The following CCSER1 variants were observed in gnomAD, a reference collection of about 807,000 sequenced individuals.
CCSER1 encodes the protein coiled-coil serine rich protein 1, also known as serine-rich coiled-coil domain-containing protein 1.
Under a neutral mutation model 82.0 loss-of-function variants are expected in CCSER1, and 41 were observed. The observed-to-expected ratio is 0.50, with a 90% CI of 0.39 to 0.65. The LOEUF is 0.65. CCSER1 is among the 30% of genes least tolerant of loss of function. The probability of loss-of-function intolerance (pLI) is 0.00; values close to 1 mark genes in which losing one functional copy is unlikely to be tolerated. For synonymous variants in CCSER1, 414 were observed against 383.9 expected, an observed-to-expected ratio of 1.08 and a Z score of -0.92; for missense variants, 1,119 against 1,064.2, an observed-to-expected ratio of 1.05 and a Z score of -0.72.
At chr4:91,443,347 A>G (rs1439446054) in intron 10 of CCSER1, among the ~76,000 whole-genome samples, 1 of 152,094 alleles carries the variant, frequency 6.6e-6, no homozygotes, top group Non-Finnish European at 1.5e-5. Context: ...ACTGGAAATC[A>G]TCATTCTCAG....
At chr4:91,052,447 T>A (rs1743089696) in intron 9 of CCSER1, among the ~76,000 whole-genome samples, 1 of 152,132 alleles carries the variant, frequency 6.6e-6, no homozygotes, top group East Asian at 1.9e-4. Context: ...ATTGTATTTA[T>A]TACACTTATG....
At chr4:90,964,921 A>T (rs1307245636) in intron 9 of CCSER1, among the ~76,000 whole-genome samples, 4 of 151,996 alleles carry the variant, frequency 2.6e-5, no homozygotes, top group Non-Finnish European at 5.9e-5. Flanking sequence ...CCTCATGTGC[A>T]GTTGCCTTGC....
chr4:90,198,401 A>G (rs1266809072), intron 1 of CCSER1, among the ~76,000 whole-genome samples: 1 of 152,200 alleles, frequency 6.6e-6, no homozygotes, highest in Non-Finnish European at 1.5e-5. Context: ...CCAGAGGCAG[A>G]CACCAAATAT....
intron 1 of CCSER1, among the ~76,000 whole-genome samples, chr4:90,260,663 G>A (rs1195983017): frequency 6.6e-6 from 1 of 152,092 alleles, no homozygotes; most frequent in Non-Finnish European, 1.5e-5. Flanking sequence ...TGTAAGATGA[G>A]TCTGTTGAAG....
chr4:91,333,245 T>A (rs920328303), intron 10 of CCSER1, among the ~76,000 whole-genome samples: 1 of 152,064 alleles, frequency 6.6e-6, no homozygotes, highest in African/African-American at 2.4e-5. Flanking sequence ...CTTAATCATC[T>A]ACCACTGTGT....
At chr4:90,975,326 C>G (rs1431659543) in intron 9 of CCSER1, among the ~76,000 whole-genome samples, 1 of 151,174 alleles carries the variant, frequency 6.6e-6, no homozygotes, top group Non-Finnish European at 1.5e-5. Context: ...ACTAAGGAAA[C>G]ACAGAATTGT....
chr4:90,884,610 G>GA (rs886960627), intron 8 of CCSER1, among the ~76,000 whole-genome samples: 2 of 152,066 alleles, frequency 1.3e-5, no homozygotes. Context: ...TGAAGGAGCA[G>GA]AAAAAAATGT....
intron 4 of CCSER1, among the ~76,000 whole-genome samples, chr4:90,461,820 T>C (rs1304244177): frequency 6.6e-6 from 1 of 152,202 alleles, no homozygotes; most frequent in Non-Finnish European, 1.5e-5. Context: ...TTACTTTACT[T>C]GGCTGGCTTC....
chr4:90,269,750 A>G (rs889554168), intron 1 of CCSER1, among the ~76,000 whole-genome samples: 1 of 151,946 alleles, frequency 6.6e-6, no homozygotes, highest in Non-Finnish European at 1.5e-5. Context: ...TTGGTTTTGT[A>G]AAAAGATTAA....
At chr4:91,167,401 G>C (rs1732208128) in intron 10 of CCSER1, among the ~76,000 whole-genome samples, 2 of 151,918 alleles carry the variant, frequency 1.3e-5, no homozygotes, top group South Asian at 4.2e-4. Flanking sequence ...GGCCAGGCTG[G>C]TCTTGAACTC....
intron 8 of CCSER1, among the ~76,000 whole-genome samples, chr4:90,816,363 C>G (rs1054359918): frequency 1.3e-4 from 19 of 151,954 alleles, no homozygotes; most frequent in African/African-American, 3.6e-4. Flanking sequence ...GTGTGTGGTT[C>G]AGGTTTTAGA....
At chr4:91,358,864 C>T (rs560301211) in intron 10 of CCSER1, among the ~76,000 whole-genome samples, 1 of 152,222 alleles carries the variant, frequency 6.6e-6, no homozygotes, top group African/African-American at 2.4e-5. Flanking sequence ...GAGTCCCCCT[C>T]AGGGATGCTC....
intron 5 of CCSER1, among the ~76,000 whole-genome samples, chr4:90,532,596 C>CT (rs1346912927): frequency 1.6e-4 from 24 of 151,994 alleles, no homozygotes; most frequent in Non-Finnish European, 2.9e-5. Flanking sequence ...TGCACGTTTG[C>CT]TGTTGTAGCA....
At chr4:90,519,213 T>C (rs1204645227) in intron 5 of CCSER1, among the ~76,000 whole-genome samples, 2 of 151,914 alleles carry the variant, frequency 1.3e-5, no homozygotes, top group Admixed American at 1.3e-4. Context: ...GATATTCTTC[T>C]ACCTCTGAAT....
chr4:91,028,370 G>A (rs1370955643), intron 9 of CCSER1, among the ~76,000 whole-genome samples: 1 of 151,924 alleles, frequency 6.6e-6, no homozygotes, highest in African/African-American at 2.4e-5. Flanking sequence ...ATATGTTCAT[G>A]TGTTTATTAA....
At chr4:90,145,381 ACTC>A (rs758932531) in intron 1 of CCSER1, among the ~76,000 whole-genome samples, 13 of 152,048 alleles carry the variant, frequency 8.5e-5, no homozygotes, top group Non-Finnish European at 1.5e-4. Flanking sequence ...CAATAAGTGT[ACTC>A]CTGCCTGCTT....
chr4:90,419,244 T>C (rs11934310), intron 4 of CCSER1, among the ~76,000 whole-genome samples: 2,703 of 152,082 alleles, frequency 0.018, 49 homozygotes, highest in African/African-American at 0.036. Context: ...TATTACTCTG[T>C]ATTTCTACTT....
At chr4:90,174,276 A>G (rs1272786917) in intron 1 of CCSER1, among the ~76,000 whole-genome samples, 1 of 151,992 alleles carries the variant, frequency 6.6e-6, no homozygotes, top group Non-Finnish European at 1.5e-5. Flanking sequence ...TGTAAAGCAT[A>G]CAAAAAGTTT....
In CCSER1 at chr4:91,078,368, C is replaced by G. The variant is rs552393784; in HGVS notation, c.2173-7582C>G. ...ACAGACCTGCAGCTGAAGGTCCTGA[C>G]TGTTAGAAGGAAAAGTAACAAACAG... On this transcript the variant is annotated intron_variant, in intron 9 of 10. Transcript: ENST00000509176. 2.6e-3 allele frequency among the ~76,000 whole-genome samples: 399 copies of G among 152,302 alleles called. 3 individuals are homozygous for G. The highest frequency in any genetic ancestry group is 9.3e-3 in the African/African-American group (385 of 41,570).
Sources: allele counts gnomAD v4.1 joint callset (sites outside exome capture counted in the v4.1 genomes callset), GRCh38; gene constraint gnomAD v4.1.1; transcripts MANE v1.5; gene names NCBI Gene and HGNC (gene_info 2026-07-23, HGNC 2026-07-21).